The following SNTG1 variants were observed in gnomAD, a reference collection of about 807,000 sequenced individuals.
SNTG1 encodes gamma-1-syntrophin.
Under a neutral mutation model 74.7 loss-of-function variants are expected in SNTG1, and 39 were observed. The ratio of observed to expected loss-of-function variants is 0.52; its 90% confidence interval spans 0.40 to 0.68. The LOEUF is 0.68. SNTG1 is among the 30% of genes least tolerant of loss of function. The pLI is 0.00. For synonymous variants in SNTG1, 254 were observed against 217.1 expected (o/e 1.17, Z -1.49); for missense variants, 685 against 609.5 (o/e 1.12, Z -1.30).
intron 8 of SNTG1, among the ~76,000 whole-genome samples, chr8:50,483,147 A>G (rs1377027903): frequency 1.3e-5 from 2 of 152,214 alleles, no homozygotes; most frequent in African/African-American, 4.8e-5. Context: ...CCAACTATGT[A>G]TTAAATATTG....
chr8:50,118,340 T>C (rs947473274), intron 1 of SNTG1, among the ~76,000 whole-genome samples: 2 of 152,164 alleles, frequency 1.3e-5, no homozygotes, highest in Non-Finnish European at 2.9e-5. Context: ...TGATTTTCAA[T>C]ATTTTATTTC....
chr8:50,479,778 C>G (rs936713395), intron 8 of SNTG1, among the ~76,000 whole-genome samples: 1 of 151,998 alleles, frequency 6.6e-6, no homozygotes, highest in Non-Finnish European at 1.5e-5. Flanking sequence ...CTCACACTCC[C>G]CTGTTGAAGT....
At chr8:50,547,415 T>C (rs1483645) in intron 11 of SNTG1, among the ~76,000 whole-genome samples, 21,163 of 152,080 alleles carry the variant, frequency 0.14, 1,580 homozygotes, top group African/African-American at 0.19. Context: ...AAAAAGAAAC[T>C]GCCACAATCC....
intron 3 of SNTG1, 133 bp downstream of exon 3, chr8:50,394,398 C>A (rs2092701775): frequency 2.5e-6 from 2 of 798,962 alleles, no homozygotes; most frequent in Non-Finnish European, 3.9e-6. Flanking sequence ...TTTTTCCTTC[C>A]AGATTACGTT....
chr8:50,407,070 C>T (rs192843448), intron 4 of SNTG1, among the ~76,000 whole-genome samples: 1 of 152,104 alleles, frequency 6.6e-6, no homozygotes, highest in African/African-American at 2.4e-5. Context: ...TAAACTTGAC[C>T]TTTCACAGTG....
At chr8:50,104,293 G>A (rs1397995591) in intron 1 of SNTG1, among the ~76,000 whole-genome samples, 2 of 151,966 alleles carry the variant, frequency 1.3e-5, no homozygotes, top group African/African-American at 4.8e-5. Flanking sequence ...GTCTTGGGAG[G>A]GTGTATGTGT....
Position 50,235,122 on chromosome 8 carries a change from A to G in SNTG1, c.-28+62487A>G, listed in dbSNP as rs560138393. Among the ~76,000 whole-genome samples, 6 of 152,294 alleles carry G rather than the reference A, an allele frequency of 3.9e-5. No homozygotes were observed. In the South Asian group the frequency reaches 1.2e-3, roughly 32 times the overall value. On this transcript the variant is annotated intron_variant, in intron 2 of 18. Transcript: ENST00000642720. ...TATATCAAAAGGAGTTGAAATCAGC[A>G]TGCTGAACAGATATCAGCACTCTCA...
chr8:49,961,762 C>T (rs1442535332), intron 1 of SNTG1, among the ~76,000 whole-genome samples: 4 of 152,192 alleles, frequency 2.6e-5, no homozygotes, highest in Non-Finnish European at 5.9e-5. Flanking sequence ...CATCAGATCA[C>T]ATGGCTCACA....
intron 10 of SNTG1, among the ~76,000 whole-genome samples, chr8:50,535,453 T>C (rs1312946739): frequency 6.6e-6 from 1 of 152,118 alleles, no homozygotes; most frequent in Admixed American, 6.5e-5. Context: ...AAGAGTAATA[T>C]GAAACCTAGG....
intron 12 of SNTG1, among the ~76,000 whole-genome samples, chr8:50,576,325 A>T (rs533769788): frequency 3.3e-5 from 5 of 152,158 alleles, no homozygotes; most frequent in Admixed American, 6.5e-5. Context: ...ATTCTATTCT[A>T]TGTATCTATG....
At chr8:50,329,248 G>A (rs572129713) in intron 2 of SNTG1, among the ~76,000 whole-genome samples, 1 of 152,110 alleles carries the variant, frequency 6.6e-6, no homozygotes, top group Non-Finnish European at 1.5e-5. Context: ...TCATTCTGGG[G>A]TATGGAGGAC....
intron 13 of SNTG1, among the ~76,000 whole-genome samples, chr8:50,592,988 G>A (rs893759720): frequency 6.6e-6 from 1 of 152,128 alleles, no homozygotes; most frequent in Admixed American, 6.5e-5. Flanking sequence ...ATTGACTAGA[G>A]TACATTTCCT....
chr8:50,462,391 TAG>T (rs942928334), intron 8 of SNTG1, among the ~76,000 whole-genome samples: 5 of 137,526 alleles, frequency 3.6e-5, no homozygotes, highest in African/African-American at 1.3e-4. Flanking sequence ...TTTGCTGGGA[TAG>T]AGTTTGCCTC....
At chr8:50,773,437 T>C (rs1346666228) in intron 18 of SNTG1, among the ~76,000 whole-genome samples, 1 of 152,116 alleles carries the variant, frequency 6.6e-6, no homozygotes, top group African/African-American at 2.4e-5. Context: ...GAGTTGTAAA[T>C]TTCCAGAGGA....
intron 15 of SNTG1, among the ~76,000 whole-genome samples, chr8:50,677,024 A>T (rs566746986): frequency 6.6e-6 from 1 of 152,088 alleles, no homozygotes; most frequent in South Asian, 2.1e-4. Context: ...CCAACATCTT[A>T]TATTTATCTC....
At chr8:49,919,332 TA>T (rs1179399358) in intron 1 of SNTG1, among the ~76,000 whole-genome samples, 1 of 152,246 alleles carries the variant, frequency 6.6e-6, no homozygotes, top group Non-Finnish European at 1.5e-5. Flanking sequence ...AGTTATTGAC[TA>T]ATATCTGCAA....
At chr8:50,342,124 T>C (rs558068996) in intron 2 of SNTG1, among the ~76,000 whole-genome samples, 20 of 152,242 alleles carry the variant, frequency 1.3e-4, no homozygotes, top group Admixed American at 1.2e-3. Context: ...AACTTGTTTT[T>C]GCTTCAAAGA....
chr8:50,576,021 T>C (rs888826775), intron 12 of SNTG1, among the ~76,000 whole-genome samples: 1 of 152,192 alleles, frequency 6.6e-6, no homozygotes, highest in African/African-American at 2.4e-5. Flanking sequence ...AATGGCTTTA[T>C]CCATTTGGAA....
chr8:50,408,443 G>A (rs2092907221), intron 4 of SNTG1, among the ~76,000 whole-genome samples: 1 of 152,134 alleles, frequency 6.6e-6, no homozygotes, highest in South Asian at 2.1e-4. Context: ...TGCAAAAGTG[G>A]TTCCAAAAGC....
Sources: allele counts gnomAD v4.1 joint callset (sites outside exome capture counted in the v4.1 genomes callset), GRCh38; gene constraint gnomAD v4.1.1; transcripts MANE v1.5; gene names NCBI Gene and HGNC (gene_info 2026-07-23, HGNC 2026-07-21).